Variants in MAPK8 observed in about 807,000 individuals in gnomAD.
MAPK8 encodes the protein JUN N-terminal kinase.
In MAPK8, 13 loss-of-function variants were observed where a neutral mutation model predicts 52.9. The observed-to-expected ratio is 0.25, with a 90% CI of 0.16 to 0.39. The LOEUF is 0.39. Ranked by LOEUF, MAPK8 falls within the 10% of genes least tolerant of loss-of-function variation. The pLI is 1.00. For synonymous variants in MAPK8, 191 were observed against 169.8 expected (o/e 1.12, Z -0.97); for missense variants, 300 against 519.2 (o/e 0.58, Z 4.10).
chr10:48,425,182 G>A (rs778040816), intron 7 of MAPK8: 1 of 767,490 alleles, frequency 1.3e-6, no homozygotes, highest in Non-Finnish European at 2.4e-6. Context: ...GTTTCAGGAG[G>A]AAGAATGGGA....
At chr10:48,424,680 TA>T in intron 7 of MAPK8, 1 of 662,482 alleles carries the variant, frequency 1.5e-6, no homozygotes, top group Non-Finnish European at 2.5e-6. Context: ...TGTCTCTCCC[TA>T]ATATATTGTT....
chr10:48,404,320 C>A (rs577934444), intron 2 of MAPK8, among the ~76,000 whole-genome samples: 4 of 151,776 alleles, frequency 2.6e-5, no homozygotes, highest in African/African-American at 4.8e-5. Context: ...TCACACCCAG[C>A]TAATTTTTTT....
intron 1 of MAPK8, among the ~76,000 whole-genome samples, chr10:48,339,090 A>G (rs559030157): frequency 1.3e-5 from 2 of 151,608 alleles, no homozygotes; most frequent in East Asian, 1.9e-4. Context: ...AGACAATTCT[A>G]ATATTCATGT....
chr10:48,381,637 T>G (rs577543855), intron 1 of MAPK8, among the ~76,000 whole-genome samples: 29 of 152,214 alleles, frequency 1.9e-4, no homozygotes, highest in Non-Finnish European at 3.8e-4. Flanking sequence ...TATTAACAGA[T>G]CTAAAGATTA....
chr10:48,431,265 C>T lies in MAPK8; in HGVS notation c.1133C>T (p.Pro378Leu). ...KNGVIRGQPS[P>L]LGAAVINGSQ... ...GGAGTTATACGGGGGCAGCCCTCTC[C>T]TTTAGGTTGGTTACAATATAAGCTT... is the stretch of plus-strand genomic sequence containing the variant. Residue 378 changes from proline to leucine, a missense_variant, in exon 11 of 12, where the codon CCT becomes CTT. This residue lies in a region of MAPK8 where 119 missense variants were observed against 154.4 expected (regional missense o/e 0.77). Coordinates refer to ENST00000374189, the MANE Select transcript of MAPK8 (RefSeq NM_001323329.2). 1 of 1,609,404 alleles carries T rather than the reference C, an allele frequency of 6.2e-7. No homozygotes were observed.
chr10:48,406,251 T>C (rs2042464955), intron 3 of MAPK8, among the ~76,000 whole-genome samples: 1 of 151,458 alleles, frequency 6.6e-6, no homozygotes, highest in Non-Finnish European at 1.5e-5. Flanking sequence ...TAGCCATTCT[T>C]GTTCCAAGCG....
At chr10:48,388,775 G>C (rs950912975) in intron 1 of MAPK8, among the ~76,000 whole-genome samples, 10 of 152,262 alleles carry the variant, frequency 6.6e-5, no homozygotes, top group South Asian at 4.2e-4. Context: ...AACATAGGCT[G>C]TCTCAGTCTG....
At chr10:48,335,896 C>G (rs1844637426) in intron 1 of MAPK8, among the ~76,000 whole-genome samples, 1 of 152,008 alleles carries the variant, frequency 6.6e-6, no homozygotes, top group Admixed American at 6.6e-5. Context: ...TATTAAAATC[C>G]ATTTGTCTAT....
intron 1 of MAPK8, among the ~76,000 whole-genome samples, chr10:48,394,806 CA>C (rs1228579831): frequency 1.3e-5 from 2 of 151,576 alleles, no homozygotes; most frequent in Non-Finnish European, 3.0e-5. Context: ...CAGAAAATCC[CA>C]ATACACAAAA....
chr10:48,435,763 G>A lies in MAPK8; in HGVS notation c.*734G>A, dbSNP rs2044804577. 1 of 152,188 alleles carries A rather than the reference G, an allele frequency of 6.6e-6. No individual in the cohort carries two copies. Among genetic ancestry groups the A allele is most frequent in the Non-Finnish European group, 1.5e-5 (1 of 68,028 alleles). The allele number at this position is 152,188 out of a possible 1,614,324, so 9.4% of individuals were successfully genotyped here. A position where few individuals can be genotyped will look rare whatever the true frequency, so the allele number is the denominator to read the frequency against. ...CCTACCCAACAAAAATAAGTAAAAAGAATATGGTGTATTCTACAAATTTGT... is the reference window on the plus strand; with the variant it reads ...CCTACCCAACAAAAATAAGTAAAAAAAATATGGTGTATTCTACAAATTTGT... On this transcript the variant is annotated 3_prime_UTR_variant, in exon 12 of 12. Transcript: ENST00000374189.
intron 5 of MAPK8, among the ~76,000 whole-genome samples, chr10:48,414,345 T>A (rs2133122905): frequency 6.6e-6 from 1 of 152,294 alleles, no homozygotes; most frequent in East Asian, 1.9e-4. Flanking sequence ...CACTGACTAT[T>A]ACAGGTAATG....
chr10:48,329,197 G>A (rs1843852951), intron 1 of MAPK8, among the ~76,000 whole-genome samples: 1 of 152,284 alleles, frequency 6.6e-6, no homozygotes, highest in African/African-American at 2.4e-5. Context: ...GGCTCCAGAC[G>A]CCAGACTCCT....
At chr10:48,416,896 A>G (rs532335618) in intron 5 of MAPK8, among the ~76,000 whole-genome samples, 38 of 152,096 alleles carry the variant, frequency 2.5e-4, no homozygotes, top group African/African-American at 8.7e-4. Context: ...TGAAGAATGT[A>G]TTTTCCTTGA....
intron 6 of MAPK8, among the ~76,000 whole-genome samples, chr10:48,421,201 C>CT (rs1487353977): frequency 1.3e-5 from 2 of 152,086 alleles, no homozygotes; most frequent in African/African-American, 2.4e-5. Context: ...TTTTAAGATT[C>CT]TTTTTTTATA....
At chr10:48,424,428 A>G (rs2043548285) in intron 7 of MAPK8, 2 of 847,922 alleles carry the variant, frequency 2.4e-6, no homozygotes, top group South Asian at 1.8e-5. Context: ...TTTAAAGTAT[A>G]CATGGTGTGT....
chr10:48,331,824 A>G (rs75504216), intron 1 of MAPK8, among the ~76,000 whole-genome samples: 2,055 of 152,244 alleles, frequency 0.013, 16 homozygotes, highest in Non-Finnish European at 0.023. Context: ...ATAATAACTC[A>G]TAGGGGGATA....
At chr10:48,412,278 C>A (rs1158392518) in intron 5 of MAPK8, among the ~76,000 whole-genome samples, 1 of 152,138 alleles carries the variant, frequency 6.6e-6, no homozygotes, top group Non-Finnish European at 1.5e-5. Flanking sequence ...CTCAAGATGC[C>A]TTTTTGTCTT....
chr10:48,314,781 C>T (rs1025588609), intron 1 of MAPK8, among the ~76,000 whole-genome samples: 1 of 152,110 alleles, frequency 6.6e-6, no homozygotes, highest in African/African-American at 2.4e-5. Flanking sequence ...GCTCATTTTC[C>T]TAGATTTGTA....
chr10:48,329,413 GTGT>G (rs1366751908), intron 1 of MAPK8, among the ~76,000 whole-genome samples: 2 of 152,100 alleles, frequency 1.3e-5, no homozygotes, highest in African/African-American at 4.8e-5. Context: ...ATTCAGAGCG[GTGT>G]ATTGCTTTGA....
Sources: gnomAD v4.1 joint callset for allele counts (sites outside exome capture counted in the v4.1 genomes callset) on GRCh38, gnomAD v4.1.1 for gene constraint, gnomAD v4.1.1 regional missense constraint, MANE v1.5 for transcripts, NCBI Gene and HGNC (gene_info 2026-07-23, HGNC 2026-07-21) for gene names.